Variants in LRP1B observed in about 807,000 individuals in gnomAD.
The protein encoded by LRP1B is LDL receptor related protein 1B.
In LRP1B, 217 loss-of-function variants were observed where a neutral mutation model predicts 556.6. The observed-to-expected ratio is 0.39, with a 90% CI of 0.35 to 0.44. The LOEUF is 0.44. Among genes scored for constraint, LRP1B ranks in the 20% least tolerant of loss-of-function variants. The pLI, the probability that LRP1B is intolerant of heterozygous loss-of-function variation, is 1.00. For synonymous variants in LRP1B, 2,047 were observed against 1,865.8 expected, an observed-to-expected ratio of 1.10 and a Z score of -2.50; for missense variants, 5,053 against 5,620.8, an observed-to-expected ratio of 0.90 and a Z score of 3.23.
intron 1 of LRP1B, among the ~76,000 whole-genome samples, chr2:141,818,221 G>A (rs1224389361): frequency 6.6e-6 from 1 of 152,074 alleles, no homozygotes; most frequent in African/African-American, 2.4e-5. Context: ...TCTTGTAGAG[G>A]CCTACAGAAA....
intron 1 of LRP1B, among the ~76,000 whole-genome samples, chr2:141,906,488 A>G (rs1318697564): frequency 2.0e-5 from 3 of 152,012 alleles, no homozygotes; most frequent in Non-Finnish European, 4.4e-5. Flanking sequence ...GAGTCAGTGT[A>G]CAGCAAACAA....
chr2:141,336,114 C>CAAA (rs60102985), intron 3 of LRP1B, among the ~76,000 whole-genome samples: 43,045 of 91,676 alleles, frequency 0.47, 9,962 homozygotes, highest in Non-Finnish European at 0.54. Flanking sequence ...CAGACCTGTC[C>CAAA]AAAAAAAAAA....
At chr2:140,709,049 T>C (rs533976043) in intron 37 of LRP1B, among the ~76,000 whole-genome samples, 1 of 152,182 alleles carries the variant, frequency 6.6e-6, no homozygotes, top group East Asian at 1.9e-4. Context: ...TTATATATTG[T>C]TGAGCATACT....
chr2:141,915,765 G>A (rs560974347), intron 1 of LRP1B, among the ~76,000 whole-genome samples: 3 of 152,228 alleles, frequency 2.0e-5, no homozygotes, highest in South Asian at 2.1e-4. Context: ...ATTCAAAAGT[G>A]GGCACAAGAC....
intron 17 of LRP1B, among the ~76,000 whole-genome samples, chr2:140,987,942 C>A (rs1230717352): frequency 2.0e-5 from 3 of 151,976 alleles, no homozygotes; most frequent in African/African-American, 4.8e-5. Context: ...TGAGATCATG[C>A]CACTGTACTC....
At chr2:140,241,461 C>T (rs961535291) in intron 87 of LRP1B, among the ~76,000 whole-genome samples, 1 of 150,566 alleles carries the variant, frequency 6.6e-6, no homozygotes, top group Non-Finnish European at 1.5e-5. Flanking sequence ...AATTATAAAT[C>T]ATTTTTTAAA....
intron 43 of LRP1B, among the ~76,000 whole-genome samples, chr2:140,581,545 T>C (rs1437931838): frequency 9.0e-6 from 1 of 111,050 alleles, no homozygotes; most frequent in Non-Finnish European, 2.3e-5. Context: ...TGTCTTCACG[T>C]TTTTTGTCCT....
At chr2:140,877,325 C>A (rs906792611) in intron 25 of LRP1B, among the ~76,000 whole-genome samples, 1 of 152,088 alleles carries the variant, frequency 6.6e-6, no homozygotes, top group Non-Finnish European at 1.5e-5. Context: ...TTTCTTGTCA[C>A]AGGACATGAG....
intron 60 of LRP1B, among the ~76,000 whole-genome samples, chr2:140,469,889 T>C (rs905454267): frequency 3.3e-5 from 5 of 152,192 alleles, no homozygotes; most frequent in African/African-American, 7.2e-5. Flanking sequence ...ACTTAATCTC[T>C]TTGAACATAT....
chr2:141,989,768 T>C (rs1047840547), intron 1 of LRP1B, among the ~76,000 whole-genome samples: 2 of 152,068 alleles, frequency 1.3e-5, no homozygotes, highest in Admixed American at 1.3e-4. Context: ...GTGACTTTGC[T>C]AGGATTTTAA....
At chr2:141,813,494 C>T (rs1046667405) in intron 1 of LRP1B, among the ~76,000 whole-genome samples, 9 of 151,028 alleles carry the variant, frequency 6.0e-5, no homozygotes, top group South Asian at 2.1e-4. Flanking sequence ...AAGAGGTCAA[C>T]GTGGCTGCAG....
chr2:141,594,763 AAAAG>A (rs1687461082), intron 2 of LRP1B, among the ~76,000 whole-genome samples: 1 of 152,152 alleles, frequency 6.6e-6, no homozygotes, highest in African/African-American at 2.4e-5. Flanking sequence ...GCCAAAAAGA[AAAAG>A]AAGATAATTT....
chr2:141,618,187 T>C (rs185876319), intron 2 of LRP1B, among the ~76,000 whole-genome samples: 43 of 151,652 alleles, frequency 2.8e-4, no homozygotes, highest in Middle Eastern at 3.4e-3. Context: ...GTGCTTTTAT[T>C]TTTTTTTTCC....
intron 15 of LRP1B, among the ~76,000 whole-genome samples, chr2:140,996,571 T>A (rs965547377): frequency 1.3e-5 from 2 of 151,958 alleles, no homozygotes; most frequent in African/African-American, 4.8e-5. Context: ...TAGAACAGAA[T>A]AGGGTGTAGA....
At chr2:140,416,950 G>T (rs1388469511) in intron 66 of LRP1B, among the ~76,000 whole-genome samples, 4 of 152,116 alleles carry the variant, frequency 2.6e-5, no homozygotes, top group African/African-American at 4.8e-5. Flanking sequence ...AAAGGGGAAA[G>T]ACCCAATGAT....
intron 68 of LRP1B, among the ~76,000 whole-genome samples, chr2:140,375,909 T>A (rs1401934407): frequency 6.6e-6 from 1 of 152,150 alleles, no homozygotes. Context: ...AAGCTAATCA[T>A]ATTATCAGTT....
chr2:141,658,679 A>T (rs1690103617), intron 2 of LRP1B, among the ~76,000 whole-genome samples: 1 of 152,354 alleles, frequency 6.6e-6, no homozygotes, highest in East Asian at 1.9e-4. Context: ...TTATGCAGCA[A>T]TGCATAAATA....
intron 75 of LRP1B, among the ~76,000 whole-genome samples, chr2:140,354,861 T>C (rs1682138038): frequency 1.3e-5 from 2 of 152,056 alleles, no homozygotes; most frequent in Non-Finnish European, 2.9e-5. Context: ...AATTGAAGTG[T>C]TTGGGCTTTA....
At chr2:140,893,040 G>T (rs991777347) in intron 23 of LRP1B, among the ~76,000 whole-genome samples, 53 of 152,128 alleles carry the variant, frequency 3.5e-4, no homozygotes, top group African/African-American at 1.3e-3. Context: ...TAAAAGTAAA[G>T]AAAGAAAGAG....
Sources: allele counts gnomAD v4.1 joint callset (sites outside exome capture counted in the v4.1 genomes callset), GRCh38; gene constraint gnomAD v4.1.1; transcripts MANE v1.5; gene names NCBI Gene and HGNC (gene_info 2026-07-23, HGNC 2026-07-21).